The following CBFA2T2 variants were observed in gnomAD, a reference collection of about 807,000 sequenced individuals.
The protein encoded by CBFA2T2 is protein CBFA2T2.
Under a neutral mutation model 62.2 loss-of-function variants are expected in CBFA2T2, and 11 were observed. The observed-to-expected ratio is 0.18, with a 90% CI of 0.11 to 0.29. The LOEUF is 0.29. CBFA2T2 is among the 10% of genes least tolerant of loss of function. CBFA2T2 has a pLI of 1.00. For synonymous variants in CBFA2T2, 295 were observed against 287.5 expected (o/e 1.03, Z -0.27); for missense variants, 592 against 774.1 (o/e 0.76, Z 2.79).
intron 1 of CBFA2T2, among the ~76,000 whole-genome samples, chr20:33,578,495 A>G (rs2013937214): frequency 6.6e-6 from 1 of 152,192 alleles, no homozygotes; most frequent in Admixed American, 6.5e-5. Context: ...AGCTTTTAGC[A>G]CTTTCTCCCT....
In CBFA2T2 at chr20:33,623,100, C is replaced by T. The variant is rs775143609; in HGVS notation, c.511-15C>T. ...GTAGGGCCTAACACTGGAAAAACTGCCTCTTCCTTTCAAGGCCAACCTGCC... is the reference window on the plus strand; with the variant it reads ...GTAGGGCCTAACACTGGAAAAACTGTCTCTTCCTTTCAAGGCCAACCTGCC... On this transcript the variant is annotated splice_polypyrimidine_tract_variant and intron_variant, in intron 4 of 10. Transcript: ENST00000342704. 1 of 1,613,870 alleles carries T rather than the reference C, an allele frequency of 6.2e-7. No individual in the cohort carries two copies. The highest frequency in any genetic ancestry group is 8.5e-7 in the Non-Finnish European group (1 of 1,179,932).
chr20:33,606,807 G>C, intron 1 of CBFA2T2, 149 bp from the exon 2 acceptor site: 1 of 649,244 alleles, frequency 1.5e-6, no homozygotes, highest in Non-Finnish European at 2.6e-6. Flanking sequence ...AGTTCCAGAT[G>C]TTGGGATGTG....
intron 1 of CBFA2T2, among the ~76,000 whole-genome samples, chr20:33,552,455 T>C (rs540141385): frequency 6.6e-6 from 1 of 152,188 alleles, no homozygotes; most frequent in Non-Finnish European, 1.5e-5. Flanking sequence ...TACTCCAGGC[T>C]CTTTCTGCTG....
At chr20:33,626,131 CA>C (rs894551284) in intron 6 of CBFA2T2, among the ~76,000 whole-genome samples, 1 of 151,020 alleles carries the variant, frequency 6.6e-6, no homozygotes, top group Non-Finnish European at 1.5e-5. Context: ...AAAAAACAAA[CA>C]AAAAAAATGA....
intron 1 of CBFA2T2, among the ~76,000 whole-genome samples, chr20:33,581,016 G>A (rs745432652): frequency 7.0e-6 from 1 of 142,330 alleles, no homozygotes; most frequent in Non-Finnish European, 1.5e-5. Context: ...CCCCTCCCTT[G>A]CCCTCCCCTC....
chr20:33,584,305 G>A (rs964517200), intron 1 of CBFA2T2, among the ~76,000 whole-genome samples: 3 of 139,008 alleles, frequency 2.2e-5, no homozygotes, highest in African/African-American at 8.2e-5. Flanking sequence ...TCACTCTGTC[G>A]CCCAGGCTGG....
At chr20:33,616,285 T>G (rs2015711329) in intron 3 of CBFA2T2, among the ~76,000 whole-genome samples, 1 of 152,204 alleles carries the variant, frequency 6.6e-6, no homozygotes, top group Admixed American at 6.5e-5. Context: ...TTACTTTGCC[T>G]GATATGGTTG....
In CBFA2T2 at chr20:33,644,501, G is replaced by C. The variant is rs764940496; in HGVS notation, c.1643G>C (p.Arg548Pro). 5 of 1,614,064 alleles carry C rather than the reference G, an allele frequency of 3.1e-6. No individual in the cohort carries two copies. The highest frequency in any genetic ancestry group is 4.2e-6 in the Non-Finnish European group (5 of 1,180,022). Reference protein sequence around the residue: ...LHGQSPHGQGRPLLPVGRGSS... With the variant: ...LHGQSPHGQGPPLLPVGRGSS... ...GGCCAGAGCCCCCACGGCCAGGGCC[G>C]GCCGCTGCTTCCTGTAGGCAGGGGC... is the stretch of plus-strand genomic sequence containing the variant. Residue 548 changes from arginine to proline, a missense_variant, in exon 11 of 11, where the codon CGG (arginine) becomes CCG (proline). By Grantham distance (103) the Arg-to-Pro change is moderately radical (BLOSUM62 -2). This residue lies in a region of CBFA2T2 where 85 missense variants were observed against 99.0 expected (regional missense o/e 0.86). Transcript: ENST00000342704.
At chr20:33,588,759 C>T (rs1320674265) in intron 1 of CBFA2T2, among the ~76,000 whole-genome samples, 1 of 151,978 alleles carries the variant, frequency 6.6e-6, no homozygotes, top group East Asian at 1.9e-4. Context: ...CCAGCTTGAC[C>T]AACATGATGA....
chr20:33,574,335 T>C, intron 1 of CBFA2T2: 1 of 1,461,398 alleles, frequency 6.8e-7, no homozygotes, highest in East Asian at 2.5e-5. Flanking sequence ...AGAAACAATT[T>C]GCTTTAAAGG....
chr20:33,539,137 C>T (rs1399282330), intron 1 of CBFA2T2, among the ~76,000 whole-genome samples: 1 of 152,198 alleles, frequency 6.6e-6, no homozygotes, highest in African/African-American at 2.4e-5. Flanking sequence ...TTTGAATTCC[C>T]ATTTTGCTGC....
At chr20:33,623,432 GC>G in intron 5 of CBFA2T2, 136 bp downstream of exon 5, 1 of 985,298 alleles carries the variant, frequency 1.0e-6, no homozygotes, top group Non-Finnish European at 1.5e-6. Context: ...TGGCTCTGTC[GC>G]CCAGACTGGA....
chr20:33,595,318 T>C (rs994622414), intron 1 of CBFA2T2, among the ~76,000 whole-genome samples: 3 of 151,052 alleles, frequency 2.0e-5, no homozygotes, highest in African/African-American at 7.3e-5. Flanking sequence ...TTCATGTGAT[T>C]CTCCAGTCTC....
chr20:33,585,504 A>G (rs1193802133), intron 1 of CBFA2T2, among the ~76,000 whole-genome samples: 1 of 152,202 alleles, frequency 6.6e-6, no homozygotes, highest in East Asian at 1.9e-4. Flanking sequence ...ATGCCTTTAC[A>G]GTTCACATTG....
chr20:33,545,584 T>C (rs1184470515), intron 1 of CBFA2T2, among the ~76,000 whole-genome samples: 1 of 152,178 alleles, frequency 6.6e-6, no homozygotes, highest in Admixed American at 6.6e-5. Flanking sequence ...GTAGCTGGGA[T>C]TACAGGCACA....
chr20:33,565,343 T>C (rs762601247), intron 1 of CBFA2T2, among the ~76,000 whole-genome samples: 3 of 152,220 alleles, frequency 2.0e-5, no homozygotes, highest in Non-Finnish European at 2.9e-5. Flanking sequence ...GAGGATATAG[T>C]GTTTATACTG....
chr20:33,573,208 A>G lies in CBFA2T2; in HGVS notation c.35-33748A>G, dbSNP rs190016759. The stretch of plus-strand genomic sequence containing the variant: ...GAGATTAAATTCTAGTAGAAGAGAC[A>G]GGCAGTAAAGATGATTAATAAGTAA... On this transcript the variant is annotated intron_variant, in intron 1 of 10. Transcript: ENST00000342704. Among the ~76,000 whole-genome samples the G allele has an allele frequency of 1.8e-3, 273 of 152,346 alleles. 1 individual carries two copies. Among genetic ancestry groups the G allele is most frequent in the Middle Eastern group, 3.4e-3 (1 of 294 alleles).
chr20:33,495,266 C>T (rs1391623966), intron 1 of CBFA2T2, among the ~76,000 whole-genome samples: 2 of 149,376 alleles, frequency 1.3e-5, no homozygotes, highest in Non-Finnish European at 3.0e-5. Flanking sequence ...GCTGTGGTAG[C>T]GGGGGCCTGT....
intron 1 of CBFA2T2, among the ~76,000 whole-genome samples, chr20:33,523,796 T>C (rs2011802948): frequency 6.6e-6 from 1 of 152,214 alleles, no homozygotes; most frequent in Admixed American, 6.5e-5. Flanking sequence ...GCAATTCTCC[T>C]GCCTCAGCCT....
Sources: gnomAD v4.1 joint callset for allele counts (sites outside exome capture counted in the v4.1 genomes callset) on GRCh38, gnomAD v4.1.1 for gene constraint, gnomAD v4.1.1 regional missense constraint, MANE v1.5 for transcripts, NCBI Gene and HGNC (gene_info 2026-07-23, HGNC 2026-07-21) for gene names.